The following LRP12 variants were observed in gnomAD, a reference collection of about 807,000 sequenced individuals.
The protein encoded by LRP12 is LDL receptor related protein 12, also known as low-density lipoprotein receptor-related protein 12.
LRP12 carries 14 observed loss-of-function variants against 66.0 expected under a neutral mutation model. The ratio of observed to expected loss-of-function variants is 0.21; its 90% CI spans 0.14 to 0.33. LRP12 has a LOEUF of 0.33. Ranked by LOEUF, LRP12 falls within the 10% of genes least tolerant of loss-of-function variation. The pLI, the probability that LRP12 is intolerant of heterozygous loss-of-function variation, is 1.00. For missense variants in LRP12, 889 were observed against 1,053.4 expected, an observed-to-expected ratio of 0.84 and a Z score of 2.16; for synonymous variants, 357 against 359.1, an observed-to-expected ratio of 0.99 and a Z score of 0.07.
At chr8:104,570,855 A>C (rs1350816413) in intron 1 of LRP12, among the ~76,000 whole-genome samples, 2 of 152,170 alleles carry the variant, frequency 1.3e-5, no homozygotes, top group East Asian at 3.9e-4. Context: ...AGAGGGGGGA[A>C]AAATATATAA....
At chr8:104,566,652 C>A (rs1281086642) in intron 1 of LRP12, among the ~76,000 whole-genome samples, 2 of 152,108 alleles carry the variant, frequency 1.3e-5, no homozygotes, top group African/African-American at 4.8e-5. Flanking sequence ...TTTCTTTGAA[C>A]AGAGAGGTTG....
intron 1 of LRP12, among the ~76,000 whole-genome samples, chr8:104,538,173 G>A (rs1272326770): frequency 2.0e-5 from 3 of 151,944 alleles, no homozygotes; most frequent in Admixed American, 2.0e-4. Flanking sequence ...AGCATTTAAG[G>A]GCATTGTTAA....
intron 2 of LRP12, among the ~76,000 whole-genome samples, chr8:104,524,475 G>T: frequency 6.6e-6 from 1 of 151,968 alleles, no homozygotes; most frequent in Admixed American, 6.6e-5. Flanking sequence ...TCTTGAGCAT[G>T]ATCCAAATTA....
At chr8:104,553,234 G>A (rs1811754185) in intron 1 of LRP12, among the ~76,000 whole-genome samples, 1 of 152,178 alleles carries the variant, frequency 6.6e-6, no homozygotes, top group African/African-American at 2.4e-5. Flanking sequence ...CAGAATCCGG[G>A]GGAGGGGGAA....
chr8:104,528,288 G>GC (rs1811272065), intron 2 of LRP12, among the ~76,000 whole-genome samples: 1 of 152,168 alleles, frequency 6.6e-6, no homozygotes, highest in Non-Finnish European at 1.5e-5. Context: ...ACAGAATACT[G>GC]AAGCATCTCA....
chr8:104,557,926 T>C (rs1200734845), intron 1 of LRP12, among the ~76,000 whole-genome samples: 1 of 152,146 alleles, frequency 6.6e-6, no homozygotes, highest in Non-Finnish European at 1.5e-5. Flanking sequence ...AGTAGGCATA[T>C]AGGCCTAGCG....
Position 104,490,221 on chromosome 8 carries a change from G to A in LRP12, c.*452C>T, listed in dbSNP as rs912904637. The A allele has an allele frequency of 6.6e-6, 1 of 150,868 alleles. No individual in the cohort carries two copies. Among genetic ancestry groups the A allele is most frequent in the Non-Finnish European group, 1.5e-5 (1 of 68,562 alleles). 9.3% of individuals were successfully genotyped at this position (150,868 alleles called of 1,614,324 possible). On this transcript the variant is annotated 3_prime_UTR_variant, in exon 7 of 7. Coordinates refer to ENST00000276654, the MANE Select transcript of LRP12 (RefSeq NM_013437.5). Reference sequence around the variant, plus strand: ...CAAATGAAAACGCAGGTGAGTATAAGGGTTTTTTTTTTGTACATTAACAAC... The same window carrying A: ...CAAATGAAAACGCAGGTGAGTATAAAGGTTTTTTTTTTGTACATTAACAAC...
intron 1 of LRP12, among the ~76,000 whole-genome samples, chr8:104,545,355 T>G (rs931608086): frequency 2.0e-5 from 3 of 152,194 alleles, no homozygotes; most frequent in African/African-American, 7.2e-5. Flanking sequence ...TAAACTTAGT[T>G]GATAAAGCAG....
chr8:104,579,157 G>T lies in LRP12; in HGVS notation c.79+9662C>A, dbSNP rs541428855. Among the ~76,000 whole-genome samples the T allele has an allele frequency of 6.6e-5, 10 of 152,224 alleles. No homozygotes were observed. The South Asian group carries it at 1.2e-3, about 19-fold the overall frequency. On this transcript the variant is annotated intron_variant, in intron 1 of 6. Transcript: ENST00000276654. ...TGTCAAATTATCCCTGTTTGCAAAT[G>T]ACATGATCCTATATGTAGAAAACCC...
intron 3 of LRP12, among the ~76,000 whole-genome samples, chr8:104,503,322 G>C (rs1198413740): frequency 1.2e-5 from 1 of 86,726 alleles, no homozygotes; most frequent in African/African-American, 5.1e-5. Context: ...GCGAGACTGT[G>C]TCTCTCAAAA....
chr8:104,573,769 A>G (rs1404732697), intron 1 of LRP12, among the ~76,000 whole-genome samples: 1 of 151,908 alleles, frequency 6.6e-6, no homozygotes, highest in African/African-American at 2.4e-5. Context: ...TCGTAAGTGC[A>G]TCTAAAAGAA....
chr8:104,548,083 A>ATTATATTTTGTATATAATATATAATTCTG (rs1473133920), intron 1 of LRP12, among the ~76,000 whole-genome samples: 7 of 116,486 alleles, frequency 6.0e-5, no homozygotes, highest in Non-Finnish European at 1.1e-4. Flanking sequence ...ATTCTGTTAT[A>ATTATATTTTGTATATAATATATAATTCTG]TTATATTTTG....
At chr8:104,533,355 T>C (rs1446560452) in intron 1 of LRP12, among the ~76,000 whole-genome samples, 1 of 151,976 alleles carries the variant, frequency 6.6e-6, no homozygotes, top group Non-Finnish European at 1.5e-5. Context: ...ACTGATTCAA[T>C]AAAACACCTA....
chr8:104,581,341 A>G (rs1000160528), intron 1 of LRP12, among the ~76,000 whole-genome samples: 1 of 151,028 alleles, frequency 6.6e-6, no homozygotes, highest in African/African-American at 2.5e-5. Flanking sequence ...ACTGGGTACT[A>G]TATACGATAT....
intron 1 of LRP12, among the ~76,000 whole-genome samples, chr8:104,574,681 C>T (rs1812134514): frequency 6.6e-6 from 1 of 152,144 alleles, no homozygotes; most frequent in South Asian, 2.1e-4. Context: ...ATAAAATTTA[C>T]AACGGATTTT....
At position 104,548,171 on chromosome 8, in the gene LRP12, A is replaced by AATACAAT. The variant is rs1554709878; in HGVS notation, c.80-16209_80-16208insATTGTAT. Among the ~76,000 whole-genome samples the AATACAAT allele has an allele frequency of 4.0e-5, 4 of 99,092 alleles. No homozygotes were observed. The South Asian group carries it at 1.1e-3, about 27-fold the overall frequency. The allele number at this position is 99,092 out of a possible 152,430, so 65.0% of individuals were successfully genotyped here. ...TTATATATTAATAATTATTATATAT[A>AATACAAT]ATATAATATATAATATATATATAAA... On this transcript the variant is annotated intron_variant, in intron 1 of 6. Transcript: ENST00000276654.
At chr8:104,508,683 A>G (rs1361300226) in intron 3 of LRP12, 7 of 308,620 alleles carry the variant, frequency 2.3e-5, no homozygotes, top group Non-Finnish European at 4.2e-5. Context: ...AAATGTCTAT[A>G]TTTTGTTAAA....
rs201309718 is a variant in LRP12 at position 104,491,329 on chromosome 8, G to C, written c.1924C>G (p.His642Asp). 2 of 1,613,968 alleles carry C rather than the reference G, an allele frequency of 1.2e-6. No homozygotes were observed. The highest frequency in any genetic ancestry group is 1.7e-6 in the Non-Finnish European group (2 of 1,180,022). Reference protein sequence around the residue: ...QSTSREPERNHTHRSLFSVES... With the variant: ...QSTSREPERNDTHRSLFSVES... ...ACGGAAAACAAACTTCTGTGAGTAT[G>C]ATTTCTCTCAGGTTCTCTACTGGTA... The change falls in exon 7 of 7, where the codon CAT (histidine) becomes GAT (aspartate). Residue 642 changes from histidine to aspartate, a missense_variant. This residue lies in a region of LRP12 where 800 missense variants were observed against 964.5 expected (regional missense o/e 0.83). Transcript: ENST00000276654.
At chr8:104,549,603 C>T (rs1391996543) in intron 1 of LRP12, among the ~76,000 whole-genome samples, 34 of 152,032 alleles carry the variant, frequency 2.2e-4, no homozygotes, top group Non-Finnish European at 7.4e-5. Flanking sequence ...GGGGTTTCAC[C>T]GTGTTAGCCA....
Sources: gnomAD v4.1 joint callset for allele counts (sites outside exome capture counted in the v4.1 genomes callset) on GRCh38, gnomAD v4.1.1 for gene constraint, gnomAD v4.1.1 regional missense constraint, MANE v1.5 for transcripts, NCBI Gene and HGNC (gene_info 2026-07-23, HGNC 2026-07-21) for gene names.